Variants in CLRN3 observed in about 807,000 individuals in gnomAD.
CLRN3 encodes the protein clarin-3.
In CLRN3, 12 loss-of-function variants were observed where a neutral mutation model predicts 16.7. The observed-to-expected ratio is 0.72, with a 90% confidence interval of 0.46 to 1.16. CLRN3 has a LOEUF of 1.16. Ranked by LOEUF, CLRN3 falls within the 50% of genes most tolerant of loss-of-function variation. The pLI is 0.00. For missense variants in CLRN3, 296 were observed against 274.2 expected, an observed-to-expected ratio of 1.08 and a Z score of -0.56; for synonymous variants, 118 against 113.0, an observed-to-expected ratio of 1.04 and a Z score of -0.28.
rs1361323844 is a variant in CLRN3, at chr10:127,878,145, G to C, written c.*4C>G. ...TGCAACGCCAAAATGAGATGAAAGA[G>C]AATTCAGAATAAAATTCCGTCCCTT... On this transcript the variant is annotated 3_prime_UTR_variant, in exon 3 of 3. Coordinates refer to ENST00000368671, the MANE Select transcript of CLRN3 (RefSeq NM_152311.5). The C allele has an allele frequency of 1.2e-6, 2 of 1,609,148 alleles. No homozygotes were observed. Among genetic ancestry groups the C allele is most frequent in the Middle Eastern group, 3.4e-4 (2 of 5,808 alleles).
At chr10:127,889,546 C>T (rs1374259619) in intron 1 of CLRN3, among the ~76,000 whole-genome samples, 3 of 152,010 alleles carry the variant, frequency 2.0e-5, no homozygotes, top group Non-Finnish European at 2.9e-5. Context: ...ATTGCTTGAA[C>T]TCAGGAGGTG....
At chr10:127,886,101 G>C (rs1223166068) in intron 1 of CLRN3, among the ~76,000 whole-genome samples, 1 of 152,170 alleles carries the variant, frequency 6.6e-6, no homozygotes, top group Middle Eastern at 3.4e-3. Flanking sequence ...TGTTGCCCAG[G>C]CTGGTCTCCA....
chr10:127,878,116 T>G lies in CLRN3; in HGVS notation c.*33A>C, dbSNP rs1845079741. The G allele has an allele frequency of 3.1e-6, 5 of 1,604,620 alleles. No individual in the cohort carries two copies. The highest frequency in any genetic ancestry group is 4.3e-6 in the Non-Finnish European group (5 of 1,173,174). On this transcript the variant is annotated 3_prime_UTR_variant, in exon 3 of 3. Coordinates refer to ENST00000368671, the MANE Select transcript of CLRN3 (RefSeq NM_152311.5). Reference sequence around the variant, plus strand: ...GTTACTACTCAGGGCTGATGTACAATAGATGCAACGCCAAAATGAGATGAA... The same window carrying G: ...GTTACTACTCAGGGCTGATGTACAAGAGATGCAACGCCAAAATGAGATGAA...
chr10:127,879,538 C>T, intron 2 of CLRN3, among the ~76,000 whole-genome samples: 1 of 150,822 alleles, frequency 6.6e-6, no homozygotes, highest in Admixed American at 6.6e-5. Flanking sequence ...CCTCATTCCT[C>T]ATCTTTCAAA....
At chr10:127,889,590 C>T (rs1209306668) in intron 1 of CLRN3, among the ~76,000 whole-genome samples, 3 of 152,174 alleles carry the variant, frequency 2.0e-5, no homozygotes. Flanking sequence ...CGCCACTGCA[C>T]TCCAGTCTGG....
At chr10:127,883,491 T>C (rs1845154269) in intron 2 of CLRN3, among the ~76,000 whole-genome samples, 2 of 152,178 alleles carry the variant, frequency 1.3e-5, no homozygotes, top group South Asian at 2.1e-4. Context: ...AGCAGTGCAT[T>C]TAAAACAGAA....
At chr10:127,885,009 G>C (rs116545487) in intron 1 of CLRN3, among the ~76,000 whole-genome samples, 178 of 152,328 alleles carry the variant, frequency 1.2e-3, no homozygotes, top group African/African-American at 4.2e-3. Flanking sequence ...CAAGTGAAAG[G>C]CTCTTTGTTT....
At chr10:127,892,509 C>T (rs768895105) in intron 1 of CLRN3, 47 bp downstream of exon 1, 2 of 1,023,874 alleles carry the variant, frequency 2.0e-6, no homozygotes, top group Non-Finnish European at 3.1e-6. Context: ...ATGACATAAA[C>T]CTTAATTCAA....
intron 1 of CLRN3, among the ~76,000 whole-genome samples, chr10:127,888,654 A>T (rs545475416): frequency 6.6e-6 from 1 of 151,666 alleles, no homozygotes; most frequent in East Asian, 1.9e-4. Context: ...ATGGGGAGAG[A>T]CTCCCGCCAG....
Position 127,878,438 on chromosome 10 carries a change from T to C in CLRN3, c.410-18A>G. 1 of 1,612,474 alleles carries C rather than the reference T, an allele frequency of 6.2e-7. No individual in the cohort carries two copies. The highest frequency in any genetic ancestry group is 1.7e-5 in the Admixed American group (1 of 60,012). On this transcript the variant is annotated intron_variant, in intron 2 of 2. Coordinates refer to ENST00000368671, the MANE Select transcript of CLRN3 (RefSeq NM_152311.5). ...GAAGGATGCTGAAAGGAAGATGGAGTTTCATGCATGGCATGGTGATACAGT... is the reference window on the plus strand; with the variant it reads ...GAAGGATGCTGAAAGGAAGATGGAGCTTCATGCATGGCATGGTGATACAGT...
intron 1 of CLRN3, among the ~76,000 whole-genome samples, chr10:127,888,707 C>T (rs997193966): frequency 2.6e-5 from 4 of 152,100 alleles, no homozygotes; most frequent in East Asian, 1.9e-4. Flanking sequence ...AAAGACCAGC[C>T]GGGAGCTGAG....
intron 1 of CLRN3, among the ~76,000 whole-genome samples, chr10:127,890,904 C>T (rs1845250922): frequency 6.6e-6 from 1 of 152,068 alleles, no homozygotes; most frequent in Non-Finnish European, 1.5e-5. Flanking sequence ...CCCCTAGGCT[C>T]TGAGAGGTCC....
chr10:127,881,678 G>A (rs1845129948), intron 2 of CLRN3, among the ~76,000 whole-genome samples: 1 of 152,234 alleles, frequency 6.6e-6, no homozygotes, highest in South Asian at 2.1e-4. Flanking sequence ...ATTGGTCAAG[G>A]GATGGGAGAA....
intron 1 of CLRN3, among the ~76,000 whole-genome samples, chr10:127,891,139 C>G (rs779409026): frequency 6.6e-6 from 1 of 152,246 alleles, no homozygotes; most frequent in East Asian, 1.9e-4. Flanking sequence ...CTTCAGGGCT[C>G]TCCTTGACAA....
intron 1 of CLRN3, among the ~76,000 whole-genome samples, 190 bp from the exon 2 acceptor site, chr10:127,884,065 T>A (rs959303884): frequency 6.6e-6 from 1 of 152,156 alleles, no homozygotes; most frequent in Non-Finnish European, 1.5e-5. Context: ...GTTGAATCAG[T>A]GGTTGGATGG....
rs748191748 is a variant in CLRN3, at chr10:127,883,842, GT to G, written c.262del (p.Thr88LeufsTer5). ...LEILNNSSQK[T>X]LHSVTILFLV... Reference sequence around the variant, plus strand: ...GAACAGGATAGTCACCGAATGCAGAGTTTTTTGGGAAGAATTATTCAGTATC... The same window carrying G: ...GAACAGGATAGTCACCGAATGCAGAGTTTTTGGGAAGAATTATTCAGTATC... On this transcript the variant is annotated frameshift_variant, in exon 2 of 3. Transcript: ENST00000368671. LOFTEE classifies it high-confidence loss of function. 4 of 1,614,180 alleles carry G rather than the reference GT, an allele frequency of 2.5e-6. No individual in the cohort carries two copies. Among genetic ancestry groups the G allele is most frequent in the East Asian group, 4.5e-5 (2 of 44,888 alleles).
chr10:127,882,690 C>T (rs1320973190), intron 2 of CLRN3, among the ~76,000 whole-genome samples: 3 of 152,206 alleles, frequency 2.0e-5, no homozygotes, highest in Admixed American at 6.5e-5. Context: ...CCCTCAGCCC[C>T]TCCTCCGAGG....
intron 2 of CLRN3, among the ~76,000 whole-genome samples, chr10:127,883,179 G>A (rs1845149432): frequency 6.6e-6 from 1 of 152,214 alleles, no homozygotes; most frequent in Admixed American, 6.5e-5. Context: ...TGGCTCTGTG[G>A]CACGACCATG....
chr10:127,879,864 C>T (rs1333535096), intron 2 of CLRN3, among the ~76,000 whole-genome samples: 10 of 152,148 alleles, frequency 6.6e-5, no homozygotes, highest in Non-Finnish European at 1.5e-4. Flanking sequence ...GCAGGCTCAC[C>T]CAGTGAGGTC....
Sources: allele counts gnomAD v4.1 joint callset (sites outside exome capture counted in the v4.1 genomes callset), GRCh38; gene constraint gnomAD v4.1.1; transcripts MANE v1.5; gene names NCBI Gene and HGNC (gene_info 2026-07-23, HGNC 2026-07-21).